SYCP2L: variants seen among roughly 807,000 people sequenced by gnomAD.
SYCP2L encodes synaptonemal complex protein 2-like.
SYCP2L carries 98 observed loss-of-function variants against 125.8 expected under a neutral mutation model. The ratio of observed to expected loss-of-function variants is 0.78; its 90% CI spans 0.66 to 0.92. The LOEUF (loss-of-function observed/expected upper bound fraction) is 0.92, where lower values mean the gene tolerates loss of function less well. Ranked by LOEUF, SYCP2L falls within the 40% of genes least tolerant of loss-of-function variation. The probability of loss-of-function intolerance (pLI) is 0.00; values close to 1 mark genes in which losing one functional copy is unlikely to be tolerated. For missense variants in SYCP2L, 842 were observed against 936.4 expected, an observed-to-expected ratio of 0.90 and a Z score of 1.32; for synonymous variants, 317 against 325.4, an observed-to-expected ratio of 0.97 and a Z score of 0.28.
chr6:10,955,988 A>G (rs1781497085), intron 24 of SYCP2L, 148 bp from the exon 25 acceptor site: 4 of 609,914 alleles, frequency 6.6e-6, no homozygotes, highest in Admixed American at 2.9e-5. Context: ...CTTTCCAGAG[A>G]GCGAGGTCAT....
At chr6:10,958,307 G>A (rs1219119054) in intron 25 of SYCP2L, among the ~76,000 whole-genome samples, 1 of 152,082 alleles carries the variant, frequency 6.6e-6, no homozygotes, top group Non-Finnish European at 1.5e-5. Flanking sequence ...GGAGGCCTCA[G>A]GGAGTTTTAC....
chr6:10,941,102 T>C (rs1325243080), intron 21 of SYCP2L, among the ~76,000 whole-genome samples: 2 of 152,178 alleles, frequency 1.3e-5, no homozygotes, highest in East Asian at 3.8e-4. Context: ...TAGCCGTATG[T>C]AGAAAGCTGA....
intron 29 of SYCP2L, among the ~76,000 whole-genome samples, chr6:10,966,041 A>G (rs1427595449): frequency 1.4e-4 from 22 of 152,176 alleles, no homozygotes; most frequent in Non-Finnish European, 8.8e-5. Flanking sequence ...TGAACCCAGG[A>G]GGCAGAGGTT....
intron 4 of SYCP2L, among the ~76,000 whole-genome samples, chr6:10,897,099 C>G (rs1780270466): frequency 6.6e-6 from 1 of 151,818 alleles, no homozygotes. Flanking sequence ...AATAAGATGG[C>G]TTTTGCTTTA....
At chr6:10,919,766 A>G (rs1160782774) in intron 14 of SYCP2L, among the ~76,000 whole-genome samples, 1 of 152,014 alleles carries the variant, frequency 6.6e-6, no homozygotes, top group Non-Finnish European at 1.5e-5. Context: ...CTGTGGGGAT[A>G]TGGGTGAGGT....
chr6:10,968,557 G>C (rs1339518096), intron 29 of SYCP2L, among the ~76,000 whole-genome samples: 1 of 152,122 alleles, frequency 6.6e-6, no homozygotes, highest in East Asian at 1.9e-4. Flanking sequence ...TGTCAGGGGA[G>C]GTGGTACCTT....
chr6:10,910,268 G>A, intron 11 of SYCP2L, 68 bp downstream of exon 11: 1 of 1,419,228 alleles, frequency 7.0e-7, no homozygotes, highest in South Asian at 1.2e-5. Flanking sequence ...TAAAAGAACA[G>A]TTTAGGGTCT....
chr6:10,938,356 A>C (rs1443654573), intron 21 of SYCP2L, among the ~76,000 whole-genome samples: 1 of 152,222 alleles, frequency 6.6e-6, no homozygotes, highest in East Asian at 1.9e-4. Flanking sequence ...ACAAAATTTA[A>C]CATCCTTTCA....
At chr6:10,957,806 G>C (rs992600035) in intron 25 of SYCP2L, among the ~76,000 whole-genome samples, 9 of 152,246 alleles carry the variant, frequency 5.9e-5, no homozygotes, top group Admixed American at 3.3e-4. Context: ...AACAGAGCAA[G>C]ACCATGTCTC....
chr6:10,939,862 A>C (rs1241750689), intron 21 of SYCP2L, among the ~76,000 whole-genome samples: 2 of 152,216 alleles, frequency 1.3e-5, no homozygotes, highest in Admixed American at 1.3e-4. Context: ...GTCATACTAA[A>C]AATCTTGTGC....
intron 23 of SYCP2L, among the ~76,000 whole-genome samples, chr6:10,947,454 C>T (rs925824357): frequency 1.3e-5 from 2 of 151,942 alleles, no homozygotes; most frequent in Non-Finnish European, 2.9e-5. Context: ...TCATTGTCTG[C>T]GTCCTTTATT....
chr6:10,935,234 G>A, intron 21 of SYCP2L, 47 bp downstream of exon 21: 3 of 1,591,640 alleles, frequency 1.9e-6, no homozygotes, highest in Non-Finnish European at 2.6e-6. Context: ...TTGTATTTGG[G>A]AAAGGTAGTT....
At chr6:10,933,697 A>G (rs1781040050) in intron 20 of SYCP2L, among the ~76,000 whole-genome samples, 1 of 152,138 alleles carries the variant, frequency 6.6e-6, no homozygotes, top group Admixed American at 6.5e-5. Flanking sequence ...TGAAAAATTA[A>G]AAAGAGAAGC....
chr6:10,940,892 T>C (rs951588760), intron 21 of SYCP2L, among the ~76,000 whole-genome samples: 4 of 152,070 alleles, frequency 2.6e-5, no homozygotes, highest in African/African-American at 9.7e-5. Context: ...AATCACAAGA[T>C]TGAGGTGGAA....
chr6:10,946,696 A>G (rs778229633), intron 23 of SYCP2L, among the ~76,000 whole-genome samples: 3 of 152,068 alleles, frequency 2.0e-5, no homozygotes, highest in African/African-American at 4.8e-5. Context: ...TTAGCTGTCA[A>G]TCTACCAGTC....
chr6:10,919,977 A>G (rs549310231), intron 14 of SYCP2L, among the ~76,000 whole-genome samples: 29 of 152,198 alleles, frequency 1.9e-4, no homozygotes, highest in African/African-American at 7.0e-4. Flanking sequence ...GTGAGCAAGA[A>G]AGCAGGGGAT....
chr6:10,889,106 C>T lies in SYCP2L; in HGVS notation c.9+1971C>T, dbSNP rs527985149. ...CGAACTCCTGACCTCATGATATGCC[C>T]GCCTTGGCCTCCCAAAGTGCTGGGA... On this transcript the variant is annotated intron_variant, in intron 1 of 29. Coordinates refer to ENST00000283141, the MANE Select transcript of SYCP2L (RefSeq NM_001040274.3). Among the ~76,000 whole-genome samples the T allele has an allele frequency of 3.8e-3, 584 of 152,228 alleles. 3 individuals are homozygous for T. The highest frequency in any genetic ancestry group is 0.013 in the African/African-American group (553 of 41,538).
At chr6:10,931,990 C>CTTTTTTT (rs70991076) in intron 20 of SYCP2L, among the ~76,000 whole-genome samples, 12 of 116,450 alleles carry the variant, frequency 1.0e-4, no homozygotes, top group Admixed American at 6.6e-4. Flanking sequence ...GATTGAGGGT[C>CTTTTTTT]TTTTTTTTTT....
intron 6 of SYCP2L, among the ~76,000 whole-genome samples, chr6:10,901,559 A>G (rs908822162): frequency 2.0e-5 from 3 of 152,328 alleles, no homozygotes; most frequent in Admixed American, 6.5e-5. Context: ...GAACTGGGTA[A>G]TTCTTTGTCG....
Sources: allele counts gnomAD v4.1 joint callset (sites outside exome capture counted in the v4.1 genomes callset), GRCh38; gene constraint gnomAD v4.1.1; transcripts MANE v1.5; gene names NCBI Gene and HGNC (gene_info 2026-07-23, HGNC 2026-07-21).